Variants in TMEM182 observed in about 807,000 individuals in gnomAD.
TMEM182 encodes the protein transmembrane protein 182.
Under a neutral mutation model 26.8 loss-of-function variants are expected in TMEM182, and 20 were observed. The observed-to-expected ratio is 0.75, with a 90% CI of 0.53 to 1.09. TMEM182 has a LOEUF of 1.09. Among genes scored for constraint, TMEM182 ranks in the 50% least tolerant of loss-of-function variants. TMEM182 has a pLI of 0.00. For missense variants in TMEM182, 277 were observed against 275.5 expected, an observed-to-expected ratio of 1.01 and a Z score of -0.04; for synonymous variants, 109 against 102.2, an observed-to-expected ratio of 1.07 and a Z score of -0.40.
At chr2:102,776,201 T>G (rs1036226428) in intron 3 of TMEM182, among the ~76,000 whole-genome samples, 3 of 152,158 alleles carry the variant, frequency 2.0e-5, no homozygotes, top group Admixed American at 6.5e-5. Flanking sequence ...TTAACTAAAG[T>G]CAGGATTCAC....
At chr2:102,839,004 C>T (rs926915101) in intron 3 of TMEM182, among the ~76,000 whole-genome samples, 2 of 152,006 alleles carry the variant, frequency 1.3e-5, no homozygotes, top group African/African-American at 2.4e-5. Flanking sequence ...TTAGTAATAC[C>T]CCATATAGCA....
chr2:102,814,685 A>G, intron 4 of TMEM182, 63 bp from the exon 5 acceptor site: 2 of 1,450,916 alleles, frequency 1.4e-6, no homozygotes, highest in Non-Finnish European at 1.9e-6. Context: ...TGATTGGTTT[A>G]GATAGCGTTC....
chr2:102,812,821 T>C (rs1406479251), intron 4 of TMEM182, among the ~76,000 whole-genome samples: 5 of 152,218 alleles, frequency 3.3e-5, no homozygotes, highest in Admixed American at 2.6e-4. Flanking sequence ...TTGCAAGGTG[T>C]TTGCATAAGG....
At chr2:102,779,899 A>G (rs1681091568) in intron 3 of TMEM182, among the ~76,000 whole-genome samples, 1 of 152,118 alleles carries the variant, frequency 6.6e-6, no homozygotes, top group Non-Finnish European at 1.5e-5. Flanking sequence ...GCTACTCGGG[A>G]GGCTGAGGCA....
At chr2:102,764,252 G>C (rs1680335083) in intron 2 of TMEM182, 77 bp from the exon 3 acceptor site, 3 of 1,417,012 alleles carry the variant, frequency 2.1e-6, no homozygotes, top group Admixed American at 1.7e-5. Context: ...CTTGTGCTCT[G>C]TATTTCTGTT....
chr2:102,756,755 C>T (rs1490756408), intron 1 of TMEM182, among the ~76,000 whole-genome samples: 1 of 152,062 alleles, frequency 6.6e-6, no homozygotes, highest in Non-Finnish European at 1.5e-5. Context: ...GCCATTGGCT[C>T]AAGATCACTC....
intron 1 of TMEM182, among the ~76,000 whole-genome samples, chr2:102,751,882 G>A (rs757406374): frequency 3.9e-5 from 6 of 152,042 alleles, no homozygotes; most frequent in Non-Finnish European, 8.8e-5. Flanking sequence ...TGCCCAAGCT[G>A]GTCTTGAACT....
At chr2:102,822,115 C>A (rs1682931848), downstream of TMEM182, among the ~76,000 whole-genome samples, 1 of 152,050 alleles carries the variant, frequency 6.6e-6, no homozygotes, top group Non-Finnish European at 1.5e-5. Context: ...AAAATATGTG[C>A]AACTATTATA....
chr2:102,819,685 CATGA>C (rs1682868818), downstream of TMEM182, among the ~76,000 whole-genome samples: 1 of 152,144 alleles, frequency 6.6e-6, no homozygotes, highest in Non-Finnish European at 1.5e-5. Context: ...AAAGTGTATA[CATGA>C]ACGCGTAGAA....
chr2:102,838,432 A>G (rs1683287551), intron 3 of TMEM182, among the ~76,000 whole-genome samples: 1 of 152,156 alleles, frequency 6.6e-6, no homozygotes, highest in Admixed American at 6.5e-5. Flanking sequence ...AATGGTACCG[A>G]TGTGAAGAGG....
chr2:102,751,187 G>C (rs1558751894), intron 1 of TMEM182, among the ~76,000 whole-genome samples: 2 of 152,166 alleles, frequency 1.3e-5, no homozygotes, highest in South Asian at 2.1e-4. Context: ...TCTCGTGAGA[G>C]AGAGGGTTGC....
At chr2:102,778,087 A>C (rs925019476) in intron 3 of TMEM182, among the ~76,000 whole-genome samples, 1 of 152,000 alleles carries the variant, frequency 6.6e-6, no homozygotes, top group African/African-American at 2.4e-5. Flanking sequence ...TTGTTCCATC[A>C]ACTAGTAAGA....
chr2:102,745,676 ACTTT>A (rs1182473501), intron 1 of TMEM182, among the ~76,000 whole-genome samples: 5 of 152,150 alleles, frequency 3.3e-5, no homozygotes, highest in African/African-American at 1.2e-4. Context: ...CAGCTAATAA[ACTTT>A]CTGTCTCTAT....
chr2:102,789,535 A>G (rs1681544721), intron 3 of TMEM182, among the ~76,000 whole-genome samples: 1 of 152,210 alleles, frequency 6.6e-6, no homozygotes, highest in Non-Finnish European at 1.5e-5. Context: ...ACCACCTGTA[A>G]CAACAGTAAC....
chr2:102,783,858 G>A (rs1681274110), intron 3 of TMEM182, among the ~76,000 whole-genome samples: 1 of 152,184 alleles, frequency 6.6e-6, no homozygotes, highest in Non-Finnish European at 1.5e-5. Flanking sequence ...GTGACTCTCA[G>A]CCTGTGAATA....
intron 3 of TMEM182, among the ~76,000 whole-genome samples, chr2:102,769,051 A>G (rs1271685396): frequency 6.6e-6 from 1 of 152,188 alleles, no homozygotes; most frequent in African/African-American, 2.4e-5. Flanking sequence ...GGGGGTGGAC[A>G]GTCACCTTCA....
At chr2:102,759,084 C>T (rs1308454850), upstream of TMEM182, among the ~76,000 whole-genome samples, 1 of 152,006 alleles carries the variant, frequency 6.6e-6, no homozygotes, top group Non-Finnish European at 1.5e-5. Flanking sequence ...TTTTCTCTGA[C>T]AAAGACCAAA....
intron 3 of TMEM182, among the ~76,000 whole-genome samples, chr2:102,825,437 C>T (rs995706621): frequency 2.6e-5 from 4 of 152,286 alleles, no homozygotes; most frequent in East Asian, 1.9e-4. Context: ...TAACATTTTT[C>T]GTGTCTTTAA....
Position 102,776,512 on chromosome 2 carries a change from G to A in TMEM182, c.331+12085G>A, listed in dbSNP as rs148702386. Reference sequence around the variant, plus strand: ...GCATGATAGTTCATTTCTTTATTGTGATAAATAATGTCTCATTAGTGGGTG... The same window carrying A: ...GCATGATAGTTCATTTCTTTATTGTAATAAATAATGTCTCATTAGTGGGTG... On this transcript the variant is annotated intron_variant, in intron 3 of 4. Coordinates refer to ENST00000412401, the MANE Select transcript of TMEM182 (RefSeq NM_144632.5). 2.0e-5 allele frequency among the ~76,000 whole-genome samples: 3 copies of A among 152,110 alleles called. No individual in the cohort carries two copies. In the East Asian group the frequency reaches 5.8e-4, roughly 29 times the overall value.
Sources: gnomAD v4.1 joint callset for allele counts (sites outside exome capture counted in the v4.1 genomes callset) on GRCh38, gnomAD v4.1.1 for gene constraint, MANE v1.5 for transcripts, NCBI Gene and HGNC (gene_info 2026-07-23, HGNC 2026-07-21) for gene names.